RBPMS: variants seen among roughly 807,000 people sequenced by gnomAD.
RBPMS encodes the protein RNA-binding protein with multiple splicing.
RBPMS carries 7 observed loss-of-function variants against 26.8 expected under a neutral mutation model. The observed-to-expected ratio is 0.26, with a 90% CI of 0.15 to 0.49. The LOEUF (loss-of-function observed/expected upper bound fraction) is 0.49, where lower values mean the gene tolerates loss of function less well. Ranked by LOEUF, RBPMS falls within the 20% of genes least tolerant of loss-of-function variation. The pLI is 0.98. For missense variants in RBPMS, 186 were observed against 250.0 expected (o/e 0.74, Z 1.73); for synonymous variants, 96 against 93.3 (o/e 1.03, Z -0.17).
intron 1 of RBPMS, among the ~76,000 whole-genome samples, chr8:30,390,493 C>T (rs1323258913): frequency 1.3e-5 from 2 of 152,168 alleles, no homozygotes; most frequent in Non-Finnish European, 2.9e-5. Flanking sequence ...AAGTCAAGTG[C>T]GCACATGGCG....
intron 5 of RBPMS, among the ~76,000 whole-genome samples, chr8:30,531,082 T>C (rs1258613090): frequency 6.6e-6 from 1 of 152,172 alleles, no homozygotes; most frequent in African/African-American, 2.4e-5. Context: ...GTGGACCATT[T>C]TATAGTTATT....
At chr8:30,549,124 T>C (rs1563438468) in intron 6 of RBPMS, among the ~76,000 whole-genome samples, 1 of 152,122 alleles carries the variant, frequency 6.6e-6, no homozygotes, top group African/African-American at 2.4e-5. Context: ...GCTGTGAGGG[T>C]GGTTGGTCCC....
chr8:30,485,521 C>A (rs1013379941), intron 4 of RBPMS, among the ~76,000 whole-genome samples: 3 of 152,192 alleles, frequency 2.0e-5, no homozygotes, highest in Non-Finnish European at 4.4e-5. Context: ...CTGTTTATAA[C>A]TGCTTAACTC....
At chr8:30,457,034 T>C (rs1490608865) in intron 1 of RBPMS, among the ~76,000 whole-genome samples, 1 of 152,232 alleles carries the variant, frequency 6.6e-6, no homozygotes, top group East Asian at 1.9e-4. Context: ...TCTCTGGCAC[T>C]GTGAGAACTG....
intron 4 of RBPMS, among the ~76,000 whole-genome samples, chr8:30,495,812 A>C (rs1234230685): frequency 6.6e-6 from 1 of 151,930 alleles, no homozygotes; most frequent in Non-Finnish European, 1.5e-5. Context: ...ATATCTACCT[A>C]AGTTTCATCA....
intron 5 of RBPMS, among the ~76,000 whole-genome samples, chr8:30,538,827 C>T (rs1482970539): frequency 6.6e-6 from 1 of 152,148 alleles, no homozygotes; most frequent in African/African-American, 2.4e-5. Flanking sequence ...AATCAATCTG[C>T]AAAGACCCTG....
chr8:30,532,516 G>A (rs1351446544), intron 5 of RBPMS, among the ~76,000 whole-genome samples: 2 of 151,974 alleles, frequency 1.3e-5, no homozygotes, highest in Admixed American at 1.3e-4. Flanking sequence ...CTGTTGCATC[G>A]GAGGCTGGCA....
intron 5 of RBPMS, among the ~76,000 whole-genome samples, chr8:30,506,390 A>G (rs1821074950): frequency 1.3e-5 from 2 of 152,182 alleles, no homozygotes; most frequent in African/African-American, 4.8e-5. Context: ...TCTTGAGGAA[A>G]ATAAAAGTCA....
At chr8:30,464,201 C>T (rs1207935228) in intron 1 of RBPMS, among the ~76,000 whole-genome samples, 1 of 152,080 alleles carries the variant, frequency 6.6e-6, no homozygotes, top group Admixed American at 6.6e-5. Flanking sequence ...ATGAATGATA[C>T]GGCCCTCTCT....
At chr8:30,478,938 G>A (rs903122195) in intron 3 of RBPMS, among the ~76,000 whole-genome samples, 2 of 152,124 alleles carry the variant, frequency 1.3e-5, no homozygotes, top group Admixed American at 6.5e-5. Flanking sequence ...AAGGTGATTC[G>A]GTTCTCTTTC....
chr8:30,393,435 T>C (rs1808023259), intron 1 of RBPMS, among the ~76,000 whole-genome samples: 1 of 152,176 alleles, frequency 6.6e-6, no homozygotes, highest in Non-Finnish European at 1.5e-5. Context: ...CTTTTATCTT[T>C]TTTGACTTTT....
chr8:30,432,829 A>G lies in RBPMS; in HGVS notation c.67-41950A>G, dbSNP rs1372722668. Among the ~76,000 whole-genome samples the G allele has an allele frequency of 2.8e-4, 42 of 152,190 alleles. 1 individual carries two copies. ...AGGGAATAAATAAATAAATAAAACG[A>G]TTCCACATTATTTTCTGTTTGCCTA... is the stretch of plus-strand genomic sequence containing the variant. On this transcript the variant is annotated intron_variant, in intron 1 of 8. Transcript: ENST00000397323.
At chr8:30,448,797 G>A (rs925052733) in intron 1 of RBPMS, among the ~76,000 whole-genome samples, 2 of 152,196 alleles carry the variant, frequency 1.3e-5, no homozygotes, top group Non-Finnish European at 2.9e-5. Context: ...TTGGATTCAG[G>A]ATTAAATAGT....
chr8:30,487,078 T>G (rs1307901531), intron 4 of RBPMS, among the ~76,000 whole-genome samples: 1 of 152,056 alleles, frequency 6.6e-6, no homozygotes, highest in Non-Finnish European at 1.5e-5. Flanking sequence ...AAGTGCCGAG[T>G]GAGTTTTTTG....
chr8:30,388,619 A>ATAACTTATAGCTATAGCTATAAAGC (rs1414325968), intron 1 of RBPMS, among the ~76,000 whole-genome samples: 1 of 148,504 alleles, frequency 6.7e-6, no homozygotes, highest in African/African-American at 2.5e-5. Flanking sequence ...AAGCTAACTT[A>ATAACTTATAGCTATAGCTATAAAGC]TAACTTATAG....
intron 1 of RBPMS, among the ~76,000 whole-genome samples, chr8:30,446,292 G>A (rs769177370): frequency 6.6e-6 from 1 of 152,104 alleles, no homozygotes; most frequent in Non-Finnish European, 1.5e-5. Flanking sequence ...TCACAGTGTC[G>A]TAAATCTTGT....
intron 5 of RBPMS, among the ~76,000 whole-genome samples, chr8:30,512,046 T>G (rs1406548482): frequency 1.3e-5 from 2 of 152,154 alleles, no homozygotes; most frequent in Non-Finnish European, 2.9e-5. Context: ...CAGTCCACGT[T>G]AAGAGAACAT....
chr8:30,512,776 G>T (rs1821856815), intron 5 of RBPMS, among the ~76,000 whole-genome samples: 1 of 152,182 alleles, frequency 6.6e-6, no homozygotes, highest in African/African-American at 2.4e-5. Flanking sequence ...CTCACCTCAT[G>T]AACACTTTTC....
intron 4 of RBPMS, among the ~76,000 whole-genome samples, chr8:30,479,889 G>A (rs1213338858): frequency 4.6e-5 from 7 of 151,930 alleles, no homozygotes; most frequent in Non-Finnish European, 1.0e-4. Flanking sequence ...AAAGACGTGT[G>A]TTGTAATAGA....
Sources: allele counts gnomAD v4.1 joint callset (sites outside exome capture counted in the v4.1 genomes callset), GRCh38; gene constraint gnomAD v4.1.1; transcripts MANE v1.5; gene names NCBI Gene and HGNC (gene_info 2026-07-23, HGNC 2026-07-21).